RAB34: variants seen among roughly 807,000 people sequenced by gnomAD.
The protein encoded by RAB34 is ras-related protein Rab-34.
In RAB34, 33 loss-of-function variants were observed where a neutral mutation model predicts 39.0. The observed-to-expected ratio is 0.85, with a 90% CI of 0.64 to 1.13. The LOEUF is 1.13. RAB34 is among the 50% of genes most tolerant of loss of function. The pLI is 0.00. For missense variants in RAB34, 289 were observed against 326.1 expected (o/e 0.89, Z 0.88); for synonymous variants, 135 against 125.1 (o/e 1.08, Z -0.53).
chr17:28,716,950 G>T lies in RAB34; in HGVS notation c.99C>A (p.His33Gln). 2 of 1,613,674 alleles carry T rather than the reference G, an allele frequency of 1.2e-6. No homozygotes were observed. Among genetic ancestry groups the T allele is most frequent in the Non-Finnish European group, 8.5e-7 (1 of 1,179,930 alleles). Residue 33 changes from histidine to glutamine, a missense_variant, in exon 2 of 10, where the codon CAC (histidine) becomes CAA (glutamine). Transcript: ENST00000395245. ...CCTGGCAGGCGCAGGTGACGCGGGG[G>T]TGGAAGTCTTTGTGCCCGTGCAAAG... ...EAALHGHKDFHPRVTCACQEH... is the reference protein window; with the variant it reads ...EAALHGHKDFQPRVTCACQEH...
chr17:28,715,873 A>G lies in RAB34; in HGVS notation c.241T>C (p.Tyr81His). Reference sequence around the variant, plus strand: ...AAGTCCACTCCAATGGTGGCCTTGTAATTCTTATCAAAGGTGTCTTTGCAG... The same window carrying G: ...AAGTCCACTCCAATGGTGGCCTTGTGATTCTTATCAAAGGTGTCTTTGCAG... ...RFCKDTFDKN[Y>H]KATIGVDFEM... The change falls in exon 4 of 10, where the codon TAC becomes CAC. Residue 81 changes from tyrosine (Y) to histidine (H), a missense_variant. By Grantham distance (83) the Tyr-to-His change is moderately conservative. Transcript: ENST00000395245. 6.2e-7 allele frequency: 1 copy of G among 1,613,964 alleles called. No individual in the cohort carries two copies. The highest frequency in any genetic ancestry group is 8.5e-7 in the Non-Finnish European group (1 of 1,179,972).
At position 28,714,711 on chromosome 17, in the gene RAB34, C is replaced by A. The variant is rs759203741; in HGVS notation, c.713-1G>T. On this transcript the variant is annotated splice_acceptor_variant, in intron 9 of 9. Coordinates refer to ENST00000395245, the MANE Select transcript of RAB34 (RefSeq NM_031934.6). LOFTEE classifies it high-confidence loss of function. ...AGGTTGCTGTCATCACTGTTGATGCCTAAAGAAGGGTGGAAAATATGTGAA... is the reference window on the plus strand; with the variant it reads ...AGGTTGCTGTCATCACTGTTGATGCATAAAGAAGGGTGGAAAATATGTGAA... 5.0e-6 allele frequency: 8 copies of A among 1,614,078 alleles called. No individual in the cohort carries two copies. Among genetic ancestry groups the A allele is most frequent in the Non-Finnish European group, 6.8e-6 (8 of 1,180,026 alleles).
In RAB34 at chr17:28,717,660, G is replaced by C. The variant is rs2033769020; in HGVS notation, c.-394C>G. The C allele has an allele frequency of 1.5e-6, 2 of 1,365,774 alleles. No homozygotes were observed. The highest frequency in any genetic ancestry group is 1.8e-5 in the South Asian group (1 of 55,712). 84.6% of individuals were successfully genotyped at this position (1,365,774 alleles called of 1,614,324 possible). A position where few individuals can be genotyped will look rare whatever the true frequency, so the allele number is the denominator to read the frequency against. ...GGCCGGATGGTTCCTACAATAACCC[G>C]GGGCCGCGGAGACCCGACGTCATCT... On this transcript the variant is annotated 5_prime_UTR_variant, in exon 1 of 10. Coordinates refer to ENST00000395245, the MANE Select transcript of RAB34 (RefSeq NM_031934.6).
Position 28,715,190 on chromosome 17 carries a change from C to T in RAB34, c.513+5G>A. ...GCTGGGAAGTCCCCCCACTGGCACA[C>T]TCACACTCAGATCCTTCTTGGAACC... On this transcript the variant is annotated splice_donor_5th_base_variant and intron_variant, in intron 7 of 9. Transcript: ENST00000395245. The T allele has an allele frequency of 6.2e-7, 1 of 1,614,106 alleles. No homozygotes were observed. Among genetic ancestry groups the T allele is most frequent in the Non-Finnish European group, 8.5e-7 (1 of 1,179,970 alleles).
chr17:28,715,874 A>G lies in RAB34; in HGVS notation c.240T>C (p.Asn80=), dbSNP rs753634688. Residue 80 remains asparagine, a synonymous_variant, in exon 4 of 10, where the codon AAT becomes AAC. Transcript: ENST00000395245. ...AGTCCACTCCAATGGTGGCCTTGTA[A>G]TTCTTATCAAAGGTGTCTTTGCAGA... ...NRFCKDTFDK[N]YKATIGVDFE... 6.2e-7 allele frequency: 1 copy of G among 1,613,978 alleles called. No individual in the cohort carries two copies. The highest frequency in any genetic ancestry group is 8.5e-7 in the Non-Finnish European group (1 of 1,179,982).
rs543582207 is a variant in RAB34, at chr17:28,716,063, T to C, written c.147-5A>G. 87 of 1,613,764 alleles carry C rather than the reference T, an allele frequency of 5.4e-5. No homozygotes were observed. In the Middle Eastern group the frequency reaches 2.0e-3, roughly 37 times the overall value. ...ATGACCTTGGAGATCTTAAATCTGCTGGACACAAGAGTGGGCAAGGGGAGT... is the reference window on the plus strand; with the variant it reads ...ATGACCTTGGAGATCTTAAATCTGCCGGACACAAGAGTGGGCAAGGGGAGT... On this transcript the variant is annotated splice_polypyrimidine_tract_variant and splice_region_variant and intron_variant, in intron 2 of 9. Transcript: ENST00000395245.
In RAB34 at chr17:28,714,920, G is replaced by A; in HGVS notation, c.605-20C>T. ...TCTCACCTGACACAGAGAGCAGATA[G>A]GTGCTCAGGGGCAGTGCTGGGTCTG... On this transcript the variant is annotated intron_variant, in intron 8 of 9. Transcript: ENST00000395245. 6.2e-7 allele frequency: 1 copy of A among 1,608,570 alleles called. No individual in the cohort carries two copies. The highest frequency in any genetic ancestry group is 8.5e-7 in the Non-Finnish European group (1 of 1,175,110).
chr17:28,714,320 G>T lies in RAB34; in HGVS notation c.*323C>A. On this transcript the variant is annotated 3_prime_UTR_variant, in exon 10 of 10. Coordinates refer to ENST00000395245, the MANE Select transcript of RAB34 (RefSeq NM_031934.6). ...AAGAAATTTTAATGCATAAGGCACAGTGAGAGGCTGGAATCATTAAGCATC... is the reference window on the plus strand; with the variant it reads ...AAGAAATTTTAATGCATAAGGCACATTGAGAGGCTGGAATCATTAAGCATC... 1.7e-6 allele frequency: 1 copy of T among 583,554 alleles called. No homozygotes were observed. The highest frequency in any genetic ancestry group is 3.1e-6 in the Non-Finnish European group (1 of 326,036). 36.1% of individuals were successfully genotyped at this position (583,554 alleles called of 1,614,324 possible).
chr17:28,716,151 G>A (rs1330842668), intron 2 of RAB34, 93 bp from the exon 3 acceptor site: 3 of 1,578,978 alleles, frequency 1.9e-6, no homozygotes, highest in Non-Finnish European at 2.6e-6. Context: ...AAAGGTAGCT[G>A]CACCCAGGCT....
In RAB34 at chr17:28,717,796, G is replaced by A; in HGVS notation, c.-530C>T. The stretch of plus-strand genomic sequence containing the variant: ...CGCTGCCAAGGCCCGCAGGCCGCTG[G>A]AGGAGGGGGCGAGGGGCCCAGTCCG... On this transcript the variant is annotated 5_prime_UTR_variant, in exon 1 of 10. Transcript: ENST00000395245. The A allele has an allele frequency of 1.5e-6, 2 of 1,326,624 alleles. No individual in the cohort carries two copies. Among genetic ancestry groups the A allele is most frequent in the Non-Finnish European group, 1.9e-6 (2 of 1,044,326 alleles). 82.2% of individuals were successfully genotyped at this position (1,326,624 alleles called of 1,614,324 possible).
chr17:28,714,634 C>T lies in RAB34; in HGVS notation c.*9G>A, dbSNP rs1166203724. 1 of 1,614,122 alleles carries T rather than the reference C, an allele frequency of 6.2e-7. No individual in the cohort carries two copies. Among genetic ancestry groups the T allele is most frequent in the East Asian group, 2.2e-5 (1 of 44,878 alleles). On this transcript the variant is annotated 3_prime_UTR_variant, in exon 10 of 10. Transcript: ENST00000395245. ...GGGCTGGGCAGTCTCTGAACAGTCT[C>T]CTCAGCCCTCATGGGCAACATGTGG... is the stretch of plus-strand genomic sequence containing the variant.
Position 28,717,537 on chromosome 17 carries a change from C to A in RAB34, c.-271G>T. On this transcript the variant is annotated 5_prime_UTR_variant, in exon 1 of 10. It introduces an in-frame stop codon into an upstream open reading frame of the 5' UTR. Coordinates refer to ENST00000395245, the MANE Select transcript of RAB34 (RefSeq NM_031934.6). ...ATGACTCTGGGGCGAGGAGACTCTT[C>A]GGCCGCCAATTGGGGGCGGGGAGTC... 1.4e-6 allele frequency: 2 copies of A among 1,419,036 alleles called. No homozygotes were observed. The highest frequency in any genetic ancestry group is 1.8e-6 in the Non-Finnish European group (2 of 1,090,018). The allele number at this position is 1,419,036 out of a possible 1,614,324, so 87.9% of individuals were successfully genotyped here.
At chr17:28,715,145 G>C (rs1474175239) in intron 7 of RAB34, 23 bp from the exon 8 acceptor site, 1 of 1,613,484 alleles carries the variant, frequency 6.2e-7, no homozygotes, top group East Asian at 2.2e-5. Context: ...CAGAGTCAGA[G>C]GGGGGCATTC....
At position 28,716,918 on chromosome 17, in the gene RAB34, C is replaced by G; in HGVS notation, c.131G>C (p.Arg44Pro). ...PRVTCACQEH[R>P]TGTVGFKISK... is the part of the protein sequence containing the mutation. Reference sequence around the variant, plus strand: ...CCTAACTCACCCCACGGTGCCTGTCCGGTGCTCCTGGCAGGCGCAGGTGAC... The same window carrying G: ...CCTAACTCACCCCACGGTGCCTGTCGGGTGCTCCTGGCAGGCGCAGGTGAC... Residue 44 changes from arginine (R) to proline (P), a missense_variant, in exon 2 of 10, where the codon CGG becomes CCG. Transcript: ENST00000395245. The G allele has an allele frequency of 3.1e-6, 5 of 1,613,082 alleles. No homozygotes were observed. The highest frequency in any genetic ancestry group is 4.2e-6 in the Non-Finnish European group (5 of 1,179,776).
chr17:28,715,151 C>A (rs1167205382), intron 7 of RAB34, 29 bp from the exon 8 acceptor site: 1 of 1,612,478 alleles, frequency 6.2e-7, no homozygotes, highest in Non-Finnish European at 8.5e-7. Flanking sequence ...CAGAGGGGGG[C>A]ATTCCCTCAC....
Position 28,714,589 on chromosome 17 carries a change from G to C in RAB34, c.*54C>G. 1 of 1,613,760 alleles carries C rather than the reference G, an allele frequency of 6.2e-7. No individual in the cohort carries two copies. Among genetic ancestry groups the C allele is most frequent in the Non-Finnish European group, 8.5e-7 (1 of 1,180,040 alleles). Reference sequence around the variant, plus strand: ...TCCAGGGGTCAAGCTCTGGAGGAATGAGGGTGGCACAGTGCCCTAGGGCTG... The same window carrying C: ...TCCAGGGGTCAAGCTCTGGAGGAATCAGGGTGGCACAGTGCCCTAGGGCTG... On this transcript the variant is annotated 3_prime_UTR_variant, in exon 10 of 10. Coordinates refer to ENST00000395245, the MANE Select transcript of RAB34 (RefSeq NM_031934.6).
At chr17:28,717,046 C>T in intron 1 of RAB34, 52 bp from the exon 2 acceptor site, 2 of 1,598,898 alleles carry the variant, frequency 1.3e-6, no homozygotes, top group South Asian at 1.1e-5. Context: ...GGCCCTTGTC[C>T]CGCAGCCAAG....
At position 28,714,477 on chromosome 17, in the gene RAB34, A is replaced by G; in HGVS notation, c.*166T>C. On this transcript the variant is annotated 3_prime_UTR_variant, in exon 10 of 10. Coordinates refer to ENST00000395245, the MANE Select transcript of RAB34 (RefSeq NM_031934.6). ...TTTGGCACGGTGCCTGGGGGCAGGA[A>G]GTGACTAGCATGATCCCAGCTACCC... 6.7e-7 allele frequency: 1 copy of G among 1,485,170 alleles called. No individual in the cohort carries two copies. Among genetic ancestry groups the G allele is most frequent in the Non-Finnish European group, 9.4e-7 (1 of 1,067,904 alleles). 92.0% of individuals were successfully genotyped at this position (1,485,170 alleles called of 1,614,324 possible).
chr17:28,717,478 G>A lies in RAB34; in HGVS notation c.-212C>T. 6.9e-7 allele frequency: 1 copy of A among 1,441,368 alleles called. No homozygotes were observed. The highest frequency in any genetic ancestry group is 9.1e-7 in the Non-Finnish European group (1 of 1,099,240). The allele number at this position is 1,441,368 out of a possible 1,614,324, so 89.3% of individuals were successfully genotyped here. A position where few individuals can be genotyped will look rare whatever the true frequency, so the allele number is the denominator to read the frequency against. ...AAACAATCACCCGGGGCCGCGGCGA[G>A]CCCAAAATCACCCGGGCCCTGGGCG... is the stretch of plus-strand genomic sequence containing the variant. On this transcript the variant is annotated 5_prime_UTR_variant, in exon 1 of 10. Transcript: ENST00000395245.
Sources: gnomAD v4.1 joint callset for allele counts on GRCh38, gnomAD v4.1.1 for gene constraint, MANE v1.5 for transcripts, NCBI Gene and HGNC (gene_info 2026-07-23, HGNC 2026-07-21) for gene names.